The following RUNX1 variants were observed in gnomAD, a reference collection of about 807,000 sequenced individuals.
RUNX1 encodes runt-related transcription factor 1.
In RUNX1, 19 loss-of-function variants were observed where a neutral mutation model predicts 42.8. That is an observed-to-expected ratio of 0.44 (90% CI 0.31 to 0.65). RUNX1 has a LOEUF of 0.65. Ranked by LOEUF, RUNX1 falls within the 30% of genes least tolerant of loss-of-function variation. The pLI is 0.07. For synonymous variants in RUNX1, 271 were observed against 289.4 expected (o/e 0.94, Z 0.64); for missense variants, 528 against 672.0 (o/e 0.79, Z 2.37).
chr21:35,011,549 C>A (rs1433985517), intron 2 of RUNX1, among the ~76,000 whole-genome samples: 1 of 152,136 alleles, frequency 6.6e-6, no homozygotes, highest in African/African-American at 2.4e-5. Flanking sequence ...CCATAGGAAA[C>A]CGAGGAGGGT....
At chr21:35,017,390 T>G (rs943948626) in intron 2 of RUNX1, among the ~76,000 whole-genome samples, 6 of 151,550 alleles carry the variant, frequency 4.0e-5, no homozygotes, top group Middle Eastern at 3.4e-3. Flanking sequence ...GAAAGGAGAG[T>G]GGGGGGACAA....
chr21:34,993,498 T>TACACACACAC (rs71324340), intron 2 of RUNX1, among the ~76,000 whole-genome samples: 3 of 128,536 alleles, frequency 2.3e-5, no homozygotes, highest in African/African-American at 6.6e-5. Flanking sequence ...TGTTTGTCCC[T>TACACACACAC]ACACACACAC....
At chr21:34,844,973 C>T (rs1027409773) in intron 6 of RUNX1, among the ~76,000 whole-genome samples, 1 of 152,234 alleles carries the variant, frequency 6.6e-6, no homozygotes, top group African/African-American at 2.4e-5. Flanking sequence ...GAACGTTGAC[C>T]CTCCCTCACA....
At chr21:35,036,019 A>G (rs1034314336) in intron 2 of RUNX1, among the ~76,000 whole-genome samples, 2 of 152,172 alleles carry the variant, frequency 1.3e-5, no homozygotes, top group African/African-American at 4.8e-5. Context: ...CTCCTCAGGA[A>G]GAACCCAAGT....
At chr21:34,828,407 G>A (rs1157700804) in intron 7 of RUNX1, among the ~76,000 whole-genome samples, 1 of 152,160 alleles carries the variant, frequency 6.6e-6, no homozygotes, top group Non-Finnish European at 1.5e-5. Context: ...AATGGAATTT[G>A]CTTTAAATGT....
chr21:34,799,300 C>T lies in RUNX1; in HGVS notation c.967+1G>A. 6.2e-7 allele frequency: 1 copy of T among 1,614,212 alleles called. No homozygotes were observed. Among genetic ancestry groups the T allele is most frequent in the Non-Finnish European group, 8.5e-7 (1 of 1,180,026 alleles). ...AAAGAATGTGTTTTCAAGTGGCTTA[C>T]TTGAGAGTCGACTGGAAAGTTCTGC... On this transcript the variant is annotated splice_donor_variant, in intron 8 of 8. Coordinates refer to ENST00000675419, the MANE Select transcript of RUNX1 (RefSeq NM_001754.5). LOFTEE classifies it high-confidence loss of function.
chr21:34,887,138 C>T (rs1362362119), intron 3 of RUNX1, 42 bp from the exon 4 acceptor site: 1 of 1,597,752 alleles, frequency 6.3e-7, no homozygotes, highest in Admixed American at 1.7e-5. Context: ...GAGTTAGGAC[C>T]CTGCAAACAG....
chr21:34,850,013 T>C (rs1024021798), intron 6 of RUNX1, among the ~76,000 whole-genome samples: 3 of 149,574 alleles, frequency 2.0e-5, no homozygotes, highest in Non-Finnish European at 4.4e-5. Context: ...CCTAGTTACA[T>C]GGCTTACAGG....
intron 8 of RUNX1, among the ~76,000 whole-genome samples, chr21:34,795,956 C>T (rs2056521969): frequency 6.6e-6 from 1 of 152,120 alleles, no homozygotes; most frequent in South Asian, 2.1e-4. Flanking sequence ...CTTCATTTGC[C>T]CTGAGACAAA....
In RUNX1 at chr21:34,838,333, C is replaced by T. The variant is rs1202260204; in HGVS notation, c.614-3732G>A. Among the ~76,000 whole-genome samples, 3 of 152,272 alleles carry T rather than the reference C, an allele frequency of 2.0e-5. No individual in the cohort carries two copies. The East Asian group carries it at 5.8e-4, about 29-fold the overall frequency. On this transcript the variant is annotated intron_variant, in intron 6 of 8. Transcript: ENST00000675419. ...TTAGATAGAATAAAGAATTTTCTGGCAGTCAACAACATATTAGTCTATGTT... is the reference window on the plus strand; with the variant it reads ...TTAGATAGAATAAAGAATTTTCTGGTAGTCAACAACATATTAGTCTATGTT...
At chr21:34,886,083 C>T (rs980737231) in intron 4 of RUNX1, among the ~76,000 whole-genome samples, 1 of 152,246 alleles carries the variant, frequency 6.6e-6, no homozygotes, top group Non-Finnish European at 1.5e-5. Flanking sequence ...CGCGCCGCCC[C>T]CTCCTCTAGC....
chr21:34,993,858 T>C (rs901749744), intron 2 of RUNX1, among the ~76,000 whole-genome samples: 1 of 151,878 alleles, frequency 6.6e-6, no homozygotes, highest in African/African-American at 2.4e-5. Flanking sequence ...CACACGGGTA[T>C]GTGACTGAGG....
intron 2 of RUNX1, among the ~76,000 whole-genome samples, chr21:34,957,690 T>C (rs1225597581): frequency 2.6e-5 from 4 of 152,194 alleles, no homozygotes; most frequent in African/African-American, 9.7e-5. Flanking sequence ...TCACACATCA[T>C]AATCATTGAG....
chr21:34,925,936 T>G (rs1265940216), intron 2 of RUNX1, among the ~76,000 whole-genome samples: 1 of 152,122 alleles, frequency 6.6e-6, no homozygotes, highest in Admixed American at 6.5e-5. Flanking sequence ...AGTGCTTTCC[T>G]TGTGCATCTC....
intron 2 of RUNX1, among the ~76,000 whole-genome samples, chr21:34,904,453 A>C (rs2058202163): frequency 6.6e-6 from 1 of 152,196 alleles, no homozygotes; most frequent in South Asian, 2.1e-4. Context: ...AAATGTTATC[A>C]CATATTTTTG....
In RUNX1 at chr21:34,921,292, C is replaced by G. The variant is rs555674368; in HGVS notation, c.59-28329G>C. 5.9e-5 allele frequency among the ~76,000 whole-genome samples: 9 copies of G among 152,308 alleles called. No homozygotes were observed. The South Asian group carries it at 1.9e-3, about 32-fold the overall frequency. ...CACATTGAACCAGTCAACACCACCT[C>G]CCTGTTTCCCCCTCCCCCACAGCCT... On this transcript the variant is annotated intron_variant, in intron 2 of 8. Transcript: ENST00000675419.
intron 6 of RUNX1, among the ~76,000 whole-genome samples, chr21:34,849,856 A>C (rs899288854): frequency 3.3e-5 from 5 of 151,650 alleles, no homozygotes; most frequent in African/African-American, 1.2e-4. Context: ...AGCTCAAATG[A>C]ATTTAAATGC....
intron 2 of RUNX1, among the ~76,000 whole-genome samples, chr21:34,983,476 G>A (rs183428894): frequency 4.6e-5 from 7 of 152,222 alleles, no homozygotes; most frequent in Non-Finnish European, 8.8e-5. Context: ...TGGGTTATCA[G>A]AACATCTAAC....
intron 2 of RUNX1, among the ~76,000 whole-genome samples, chr21:35,003,264 T>C (rs1179813025): frequency 6.6e-6 from 1 of 152,086 alleles, no homozygotes; most frequent in African/African-American, 2.4e-5. Flanking sequence ...TATGGCTAAG[T>C]GTGGGATGCC....
Sources: allele counts gnomAD v4.1 joint callset (sites outside exome capture counted in the v4.1 genomes callset), GRCh38; gene constraint gnomAD v4.1.1; transcripts MANE v1.5; gene names NCBI Gene and HGNC (gene_info 2026-07-23, HGNC 2026-07-21).